The following SLC2A9 variants were observed in gnomAD, a reference collection of about 807,000 sequenced individuals.
SLC2A9 encodes solute carrier family 2 member 9.
A neutral mutation model predicts 50.6 loss-of-function variants in SLC2A9; 39 were observed. The observed-to-expected ratio is 0.77, with a 90% CI of 0.60 to 1.01. The LOEUF is 1.01. Ranked by LOEUF, SLC2A9 falls within the 50% of genes least tolerant of loss-of-function variation. SLC2A9 has a pLI of 0.00. For missense variants in SLC2A9, 686 were observed against 677.6 expected, an observed-to-expected ratio of 1.01 and a Z score of -0.14; for synonymous variants, 324 against 276.9, an observed-to-expected ratio of 1.17 and a Z score of -1.69.
intron 2 of SLC2A9, among the ~76,000 whole-genome samples, chr4:10,008,617 T>C (rs898438496): frequency 6.6e-6 from 1 of 152,162 alleles, no homozygotes; most frequent in Non-Finnish European, 1.5e-5. Context: ...AAAGAGAGTA[T>C]TAAACAGTAT....
Position 9,826,499 on chromosome 4 carries a change from A to G in SLC2A9, c.1521T>C (p.Tyr507=), listed in dbSNP as rs747719565. 6.2e-7 allele frequency: 1 copy of G among 1,614,084 alleles called. No homozygotes were observed. Among genetic ancestry groups the G allele is most frequent in the Non-Finnish European group, 8.5e-7 (1 of 1,179,978 alleles). Residue 507 remains tyrosine (Y), a synonymous_variant, in exon 12 of 12, where the codon TAT becomes TAC. Coordinates refer to ENST00000264784, the MANE Select transcript of SLC2A9 (RefSeq NM_020041.3). The part of the protein sequence containing the change: ...FVLPETKNRT[Y]AEISQAFSKR... ...TGGAAAATGCCTGGCTGATTTCTGCATAGGTTCTGTTTTTGGTCTCAGGCA... is the reference window on the plus strand; with the variant it reads ...TGGAAAATGCCTGGCTGATTTCTGCGTAGGTTCTGTTTTTGGTCTCAGGCA...
chr4:9,895,175 T>A (rs1404948706), intron 8 of SLC2A9, among the ~76,000 whole-genome samples: 2 of 152,178 alleles, frequency 1.3e-5, no homozygotes, highest in African/African-American at 4.8e-5. Flanking sequence ...TGGCTTTTTG[T>A]TTCGTTTCCC....
chr4:9,998,020 T>C (rs1194402959), intron 2 of SLC2A9, among the ~76,000 whole-genome samples: 1 of 152,164 alleles, frequency 6.6e-6, no homozygotes, highest in Non-Finnish European at 1.5e-5. Context: ...AAATGACTGG[T>C]ATGCTAATGA....
chr4:9,826,659 C>A (rs1725185122), intron 11 of SLC2A9, 59 bp from the exon 12 acceptor site: 1 of 1,495,476 alleles, frequency 6.7e-7, no homozygotes, highest in Non-Finnish European at 9.3e-7. Flanking sequence ...TGCTGTTAAA[C>A]CATCTCTACA....
At chr4:9,997,469 A>G (rs548553392) in intron 2 of SLC2A9, among the ~76,000 whole-genome samples, 1 of 152,234 alleles carries the variant, frequency 6.6e-6, no homozygotes, top group African/African-American at 2.4e-5. Flanking sequence ...GGAGGCTGAG[A>G]TGGGTGGGTC....
rs139291984 is a variant in SLC2A9 at position 9,890,548 on chromosome 4, G to A, written c.1215+62C>T. ...ACCCACAAATCAAAGGCCCCAAAACGATGAAGCCAGAAGTCAGCTCCATGC... is the reference window on the plus strand; with the variant it reads ...ACCCACAAATCAAAGGCCCCAAAACAATGAAGCCAGAAGTCAGCTCCATGC... On this transcript the variant is annotated intron_variant, in intron 9 of 11. Coordinates refer to ENST00000264784, the MANE Select transcript of SLC2A9 (RefSeq NM_020041.3). 4.3e-3 allele frequency: 6,429 copies of A among 1,506,954 alleles called. 21 individuals carry two copies. The highest frequency in any genetic ancestry group is 4.7e-3 in the Non-Finnish European group (5,098 of 1,083,342). 93.3% of individuals were successfully genotyped at this position (1,506,954 alleles called of 1,614,324 possible).
intron 3 of SLC2A9, among the ~76,000 whole-genome samples, chr4:9,817,406 C>T (rs1055086128): frequency 6.6e-6 from 1 of 152,174 alleles, no homozygotes; most frequent in African/African-American, 2.4e-5. Flanking sequence ...TGGCTGAATA[C>T]AGTGGAGAAT....
At chr4:9,791,659 G>A (rs1015972943) in intron 3 of SLC2A9, among the ~76,000 whole-genome samples, 3 of 152,156 alleles carry the variant, frequency 2.0e-5, no homozygotes, top group African/African-American at 7.2e-5. Flanking sequence ...CAAGAAACTG[G>A]AGGTTGTGGG....
intron 1 of SLC2A9, among the ~76,000 whole-genome samples, chr4:10,028,403 G>C (rs1312473984): frequency 6.6e-6 from 1 of 152,196 alleles, no homozygotes; most frequent in Non-Finnish European, 1.5e-5. Flanking sequence ...TTTGATTTAA[G>C]AAGGAAGACA....
chr4:9,939,805 T>G (rs980025046), intron 6 of SLC2A9, among the ~76,000 whole-genome samples: 1 of 152,130 alleles, frequency 6.6e-6, no homozygotes, highest in African/African-American at 2.4e-5. Flanking sequence ...CTCATACCAC[T>G]GTCTCACCCT....
chr4:9,945,487 A>G (rs1748980452), intron 5 of SLC2A9, among the ~76,000 whole-genome samples: 1 of 152,212 alleles, frequency 6.6e-6, no homozygotes, highest in Admixed American at 6.5e-5. Flanking sequence ...GCCTGTGATT[A>G]TCTCCACTAT....
At chr4:9,957,624 C>T (rs1187178420) in intron 5 of SLC2A9, among the ~76,000 whole-genome samples, 1 of 152,068 alleles carries the variant, frequency 6.6e-6, no homozygotes, top group Admixed American at 6.5e-5. Context: ...ATCTAAAAAA[C>T]AAGAACAGGA....
At chr4:9,801,881 T>C (rs765807259) in intron 3 of SLC2A9, among the ~76,000 whole-genome samples, 1 of 152,148 alleles carries the variant, frequency 6.6e-6, no homozygotes, top group Non-Finnish European at 1.5e-5. Context: ...CTGCTGAATG[T>C]GATGCATTTT....
At chr4:9,863,044 C>G (rs572113271) in intron 10 of SLC2A9, among the ~76,000 whole-genome samples, 1 of 152,164 alleles carries the variant, frequency 6.6e-6, no homozygotes, top group Admixed American at 6.5e-5. Context: ...GTGTACATGT[C>G]TTCTTGATTG....
chr4:9,863,897 C>T (rs1277223334), intron 10 of SLC2A9, among the ~76,000 whole-genome samples: 4 of 152,092 alleles, frequency 2.6e-5, no homozygotes, highest in Admixed American at 2.6e-4. Context: ...AACATCTATT[C>T]ACTGTAAGTT....
At chr4:9,838,997 A>G (rs545494583) in intron 10 of SLC2A9, among the ~76,000 whole-genome samples, 1 of 152,358 alleles carries the variant, frequency 6.6e-6, no homozygotes, top group East Asian at 1.9e-4. Flanking sequence ...GCAAAAATTG[A>G]CAAATGGGAT....
At chr4:9,961,348 T>C (rs1047322561) in intron 5 of SLC2A9, among the ~76,000 whole-genome samples, 17 of 152,182 alleles carry the variant, frequency 1.1e-4, no homozygotes, top group Non-Finnish European at 1.0e-4. Flanking sequence ...ATGGTACTGA[T>C]ACAAAAACAG....
intron 11 of SLC2A9, among the ~76,000 whole-genome samples, chr4:9,832,543 C>T (rs1210715924): frequency 6.6e-6 from 1 of 152,194 alleles, no homozygotes; most frequent in Non-Finnish European, 1.5e-5. Context: ...CCCCTGAAAA[C>T]CCAGACACCC....
chr4:9,984,195 T>C (rs1256194265), intron 4 of SLC2A9, among the ~76,000 whole-genome samples: 1 of 152,200 alleles, frequency 6.6e-6, no homozygotes, highest in Non-Finnish European at 1.5e-5. Context: ...GCCTAGATTA[T>C]TCCCCTCCAG....
Sources: gnomAD v4.1 joint callset for allele counts (sites outside exome capture counted in the v4.1 genomes callset) on GRCh38, gnomAD v4.1.1 for gene constraint, MANE v1.5 for transcripts, NCBI Gene and HGNC (gene_info 2026-07-23, HGNC 2026-07-21) for gene names.